The following HEXB variants were observed in gnomAD, a reference collection of about 807,000 sequenced individuals.
HEXB encodes the protein hexosaminidase subunit beta.
A neutral mutation model predicts 71.2 loss-of-function variants in HEXB; 51 were observed. The ratio of observed to expected loss-of-function variants is 0.72; its 90% CI spans 0.57 to 0.90. The LOEUF (loss-of-function observed/expected upper bound fraction) is 0.90, where lower values mean the gene tolerates loss of function less well. HEXB is among the 40% of genes least tolerant of loss of function. The probability of loss-of-function intolerance (pLI) is 0.00; values close to 1 mark genes in which losing one functional copy is unlikely to be tolerated. For missense variants in HEXB, 617 were observed against 677.0 expected, an observed-to-expected ratio of 0.91 and a Z score of 0.98; for synonymous variants, 266 against 249.3, an observed-to-expected ratio of 1.07 and a Z score of -0.63.
At chr5:74,663,193 G>A (rs890747691) in intron 1 of HEXB, among the ~76,000 whole-genome samples, 5 of 131,744 alleles carry the variant, frequency 3.8e-5, no homozygotes, top group African/African-American at 5.4e-5. Context: ...CTTTTTTTTG[G>A]GGGGGTGGAG....
At chr5:74,713,690 G>A in intron 7 of HEXB, 55 bp downstream of exon 7, 1 of 1,428,588 alleles carries the variant, frequency 7.0e-7, no homozygotes, top group Non-Finnish European at 9.8e-7. Context: ...TTGAGATGGA[G>A]TCTTGTTCTG....
At chr5:74,683,817 CTTTCTT>C (rs1200864677), upstream of HEXB, among the ~76,000 whole-genome samples, 35 of 125,986 alleles carry the variant, frequency 2.8e-4, no homozygotes, top group African/African-American at 1.0e-3. Flanking sequence ...CATTTCTTTT[CTTTCTT>C]TTTTTTTTTT....
chr5:74,715,774 T>C, intron 8 of HEXB, 84 bp downstream of exon 8: 1 of 986,722 alleles, frequency 1.0e-6, no homozygotes, highest in Non-Finnish European at 1.6e-6. Flanking sequence ...CCCAGCACTT[T>C]GGGAGGCAGA....
chr5:74,703,172 C>T (rs1353014759), intron 5 of HEXB, among the ~76,000 whole-genome samples: 5 of 152,304 alleles, frequency 3.3e-5, no homozygotes, highest in Non-Finnish European at 4.4e-5. Context: ...AGGCTGGTCC[C>T]GAGCTCCTAG....
chr5:74,718,497 T>G, intron 10 of HEXB, 134 bp downstream of exon 10: 1 of 781,742 alleles, frequency 1.3e-6, no homozygotes, highest in Non-Finnish European at 2.3e-6. Flanking sequence ...GACCTCATAG[T>G]TCCAAGCTAG....
intron 1 of HEXB, among the ~76,000 whole-genome samples, chr5:74,653,230 A>T (rs1488774888): frequency 6.6e-6 from 1 of 152,204 alleles, no homozygotes; most frequent in Non-Finnish European, 1.5e-5. Flanking sequence ...TTACGTCAAT[A>T]ATTTTTTAAA....
At chr5:74,706,397 A>T (rs993608488) in intron 6 of HEXB, among the ~76,000 whole-genome samples, 4 of 152,228 alleles carry the variant, frequency 2.6e-5, no homozygotes, top group African/African-American at 9.6e-5. Context: ...CTGCATTTCC[A>T]TCTGAGGTAC....
upstream of HEXB, chr5:74,685,230 G>C (rs994987402): frequency 2.0e-6 from 3 of 1,483,608 alleles, no homozygotes; most frequent in Non-Finnish European, 2.7e-6. Context: ...GCTCCGGCTC[G>C]GCAGACCGGG....
intron 6 of HEXB, chr5:74,705,542 C>A (rs1282523534): frequency 7.6e-6 from 4 of 526,124 alleles, no homozygotes; most frequent in Non-Finnish European, 1.4e-5. Flanking sequence ...TATAAACAAT[C>A]TTGGGGAAGT....
intron 8 of HEXB, 62 bp from the exon 9 acceptor site, chr5:74,716,523 TGC>T: frequency 1.0e-6 from 1 of 957,968 alleles, no homozygotes; most frequent in East Asian, 2.4e-5. Context: ...GCATGTATAC[TGC>T]TCTAAATAAT....
chr5:74,658,458 G>T (rs1463227011), intron 1 of HEXB, among the ~76,000 whole-genome samples: 1 of 152,188 alleles, frequency 6.6e-6, no homozygotes, highest in African/African-American at 2.4e-5. Context: ...GATGGAGCCA[G>T]TCACACCAGA....
intron 6 of HEXB, among the ~76,000 whole-genome samples, chr5:74,712,436 TAAA>T (rs763101911): frequency 8.7e-6 from 1 of 115,218 alleles, no homozygotes; most frequent in Non-Finnish European, 1.9e-5. Flanking sequence ...ATGATAATAA[TAAA>T]AAAAAGAAAT....
chr5:74,707,507 T>A (rs921513360), intron 6 of HEXB, among the ~76,000 whole-genome samples: 1 of 152,058 alleles, frequency 6.6e-6, no homozygotes, highest in African/African-American at 2.4e-5. Flanking sequence ...CAGGAGGAAA[T>A]TCAAACCAAA....
chr5:74,658,741 A>AT (rs1748266180), intron 1 of HEXB, among the ~76,000 whole-genome samples: 1 of 152,180 alleles, frequency 6.6e-6, no homozygotes, highest in South Asian at 2.1e-4. Flanking sequence ...TGCCCTATGC[A>AT]TCTCTTCCTT....
intron 1 of HEXB, among the ~76,000 whole-genome samples, chr5:74,662,066 A>T (rs2112089941): frequency 6.6e-6 from 1 of 152,374 alleles, no homozygotes; most frequent in South Asian, 2.1e-4. Context: ...AAATAGGCTT[A>T]CTTTTAGCTG....
intron 1 of HEXB, among the ~76,000 whole-genome samples, chr5:74,653,140 C>A (rs1039357976): frequency 2.0e-5 from 3 of 152,212 alleles, no homozygotes; most frequent in Admixed American, 2.0e-4. Context: ...CACACACATG[C>A]AGAGTCATTG....
At chr5:74,640,256 C>G (rs1345620425) in exon 1 of HEXB, 1 of 152,984 alleles carries the variant, frequency 6.5e-6, no homozygotes, top group Non-Finnish European at 1.5e-5. Context: ...CGAAGCAGCC[C>G]CTGAAGCCCG....
intron 1 of HEXB, among the ~76,000 whole-genome samples, chr5:74,642,381 G>A (rs950494273): frequency 1.3e-5 from 2 of 152,252 alleles, no homozygotes; most frequent in Non-Finnish European, 2.9e-5. Context: ...GGAGAGGGCT[G>A]GCAAGCAGCA....
At chr5:74,686,195 G>A (rs1748867723) in intron 1 of HEXB, among the ~76,000 whole-genome samples, 1 of 152,084 alleles carries the variant, frequency 6.6e-6, no homozygotes, top group African/African-American at 2.4e-5. Context: ...TGCTCTCCCT[G>A]CTTCCTCTTT....
Sources: allele counts gnomAD v4.1 joint callset (sites outside exome capture counted in the v4.1 genomes callset), GRCh38; gene constraint gnomAD v4.1.1; transcripts MANE v1.5; gene names NCBI Gene and HGNC (gene_info 2026-07-23, HGNC 2026-07-21).